The following PRKAR1B variants were observed in gnomAD, a reference collection of about 807,000 sequenced individuals.
The protein encoded by PRKAR1B is protein kinase cAMP-dependent type I regulatory subunit beta.
Under a neutral mutation model 46.5 loss-of-function variants are expected in PRKAR1B, and 22 were observed. The ratio of observed to expected loss-of-function variants is 0.47; its 90% CI spans 0.34 to 0.68. The LOEUF is 0.68. PRKAR1B is among the 30% of genes least tolerant of loss of function. PRKAR1B has a pLI of 0.01. For missense variants in PRKAR1B, 445 were observed against 535.6 expected (o/e 0.83, Z 1.67); for synonymous variants, 259 against 217.7 (o/e 1.19, Z -1.67).
rs1234520228 is a variant in PRKAR1B at position 680,508 on chromosome 7, C to A, written c.348+48G>T. 3 of 1,533,254 alleles carry A rather than the reference C, an allele frequency of 2.0e-6. No homozygotes were observed. The Admixed American group carries it at 6.2e-5, about 32-fold the overall frequency. 95.0% of individuals were successfully genotyped at this position (1,533,254 alleles called of 1,614,324 possible). On this transcript the variant is annotated intron_variant, in intron 3 of 10. Coordinates refer to ENST00000537384, the MANE Select transcript of PRKAR1B (RefSeq NM_001164760.2). ...TTCCAGGGAGCTCACAGGTGACAGC[C>A]ACGTGCCGAGGCCTGGGGACAGGAA...
rs150563862 is a variant in PRKAR1B at position 604,382 on chromosome 7, C to T, written c.549+1811G>A. Among the ~76,000 whole-genome samples the T allele has an allele frequency of 3.0e-3, 460 of 152,354 alleles. 5 individuals carry two copies. Among genetic ancestry groups the T allele is most frequent in the African/African-American group, 0.01 (423 of 41,594 alleles). On this transcript the variant is annotated intron_variant, in intron 6 of 10. Coordinates refer to ENST00000537384, the MANE Select transcript of PRKAR1B (RefSeq NM_001164760.2). Reference sequence around the variant, plus strand: ...ACTTCCTCTGAGGCCGGGCAGTACCCGGGACCTTTGGCACCTGCCTCAGTT... The same window carrying T: ...ACTTCCTCTGAGGCCGGGCAGTACCTGGGACCTTTGGCACCTGCCTCAGTT...
At chr7:583,743 C>T (rs570951169) in intron 8 of PRKAR1B, among the ~76,000 whole-genome samples, 11 of 152,036 alleles carry the variant, frequency 7.2e-5, no homozygotes, top group Admixed American at 2.0e-4. Context: ...CATGCACACA[C>T]CCATGCATGT....
intron 4 of PRKAR1B, among the ~76,000 whole-genome samples, chr7:626,059 T>C (rs1783381732): frequency 6.6e-6 from 1 of 151,658 alleles, no homozygotes; most frequent in African/African-American, 2.4e-5. Flanking sequence ...ACTACACATT[T>C]GATAACTCAG....
intron 9 of PRKAR1B, among the ~76,000 whole-genome samples, chr7:576,562 CG>C (rs993642438): frequency 6.6e-6 from 1 of 152,096 alleles, no homozygotes. Flanking sequence ...GACGTGGAGA[CG>C]GAAGTGACTC....
At chr7:551,940 A>C (rs1431583438) in intron 9 of PRKAR1B, among the ~76,000 whole-genome samples, 13 of 33,908 alleles carry the variant, frequency 3.8e-4, no homozygotes, top group Non-Finnish European at 5.5e-4. Flanking sequence ...CCAAACCCCC[A>C]CCTCCCGCCC....
At chr7:559,292 C>A (rs1342600825) in intron 9 of PRKAR1B, among the ~76,000 whole-genome samples, 1 of 152,076 alleles carries the variant, frequency 6.6e-6, no homozygotes, top group Non-Finnish European at 1.5e-5. Context: ...GCTGAGACCT[C>A]GAGGGCAGGA....
chr7:661,382 AGATCC>A (rs1562596611), intron 4 of PRKAR1B, among the ~76,000 whole-genome samples: 22 of 59,824 alleles, frequency 3.7e-4, no homozygotes, highest in Middle Eastern at 0.014. Flanking sequence ...CCACCCCAAC[AGATCC>A]AAATACCTAC....
chr7:705,929 G>A (rs1461163928), intron 2 of PRKAR1B, among the ~76,000 whole-genome samples: 1 of 152,204 alleles, frequency 6.6e-6, no homozygotes, highest in Admixed American at 6.5e-5. Flanking sequence ...GGGAGGCTGA[G>A]GCAGGAGAAT....
At position 609,070 on chromosome 7, in the gene PRKAR1B, C is replaced by A. The variant is rs550450775; in HGVS notation, c.441-1618G>T. Among the ~76,000 whole-genome samples, 41 of 149,592 alleles carry A rather than the reference C, an allele frequency of 2.7e-4. 3 individuals are homozygous for A. The highest frequency in any genetic ancestry group is 2.7e-3 in the Admixed American group (41 of 15,000). On this transcript the variant is annotated intron_variant, in intron 4 of 10. Transcript: ENST00000537384. ...GGGGAGGGGTCAGTGGGTGGCAGGG[C>A]TGTAGGGAGAGCTGGGGGCCCTCCA...
chr7:570,888 C>G (rs551675292), intron 9 of PRKAR1B, among the ~76,000 whole-genome samples: 1 of 152,208 alleles, frequency 6.6e-6, no homozygotes, highest in South Asian at 2.1e-4. Context: ...CGACACCACT[C>G]CCAGCACTCT....
At chr7:701,995 C>A (rs1368834632) in intron 2 of PRKAR1B, among the ~76,000 whole-genome samples, 1 of 152,114 alleles carries the variant, frequency 6.6e-6, no homozygotes, top group African/African-American at 2.4e-5. Context: ...TCTTAAATTA[C>A]TGAAAATACG....
chr7:557,922 A>C (rs1778545219), intron 9 of PRKAR1B, among the ~76,000 whole-genome samples: 2 of 152,204 alleles, frequency 1.3e-5, no homozygotes, highest in African/African-American at 4.8e-5. Flanking sequence ...CAAACCTGGG[A>C]GGAGACGCCG....
intron 2 of PRKAR1B, among the ~76,000 whole-genome samples, chr7:707,673 T>C (rs1373874027): frequency 1.3e-5 from 2 of 152,086 alleles, no homozygotes; most frequent in African/African-American, 4.8e-5. Flanking sequence ...ATGACTAGTG[T>C]CCCTATGAGA....
intron 7 of PRKAR1B, among the ~76,000 whole-genome samples, chr7:589,762 T>C (rs1372142402): frequency 1.3e-5 from 2 of 152,210 alleles, no homozygotes. Context: ...AGAACAGAAG[T>C]GGCATCCACA....
intron 4 of PRKAR1B, among the ~76,000 whole-genome samples, chr7:631,365 C>T (rs556241157): frequency 3.3e-5 from 5 of 152,336 alleles, no homozygotes; most frequent in Admixed American, 6.5e-5. Context: ...CTTACAGATA[C>T]GGCACCCTCA....
intron 2 of PRKAR1B, among the ~76,000 whole-genome samples, chr7:688,557 G>A (rs945859131): frequency 1.3e-5 from 2 of 152,164 alleles, no homozygotes; most frequent in Non-Finnish European, 2.9e-5. Flanking sequence ...CTGCCCCAGG[G>A]CTCTCTGCTG....
chr7:679,727 G>A (rs1778549792), intron 3 of PRKAR1B, among the ~76,000 whole-genome samples: 1 of 152,148 alleles, frequency 6.6e-6, no homozygotes, highest in African/African-American at 2.4e-5. Flanking sequence ...ACTGACTTGT[G>A]TCTCCCCAGA....
chr7:728,136 T>C (rs1781426473), upstream of PRKAR1B, among the ~76,000 whole-genome samples: 1 of 152,192 alleles, frequency 6.6e-6, no homozygotes, highest in Non-Finnish European at 1.5e-5. Context: ...AGAGCTCTGA[T>C]CTGATCCGGT....
chr7:685,256 A>G lies in PRKAR1B; in HGVS notation c.178-4530T>C, dbSNP rs1453821492. On this transcript the variant is annotated intron_variant, in intron 2 of 10. Coordinates refer to ENST00000537384, the MANE Select transcript of PRKAR1B (RefSeq NM_001164760.2). ...TACACACACATATAACACGTTTTATATATACATATATACGTATATATACGT... is the reference window on the plus strand; with the variant it reads ...TACACACACATATAACACGTTTTATGTATACATATATACGTATATATACGT... Among the ~76,000 whole-genome samples the G allele has an allele frequency of 2.7e-5, 3 of 110,544 alleles. 1 individual carries two copies. Among genetic ancestry groups the G allele is most frequent in the Non-Finnish European group, 1.8e-5 (1 of 56,272 alleles). The allele number at this position is 110,544 out of a possible 152,430, so 72.5% of individuals were successfully genotyped here.
Sources: allele counts gnomAD v4.1 joint callset (sites outside exome capture counted in the v4.1 genomes callset), GRCh38; gene constraint gnomAD v4.1.1; transcripts MANE v1.5; gene names NCBI Gene and HGNC (gene_info 2026-07-23, HGNC 2026-07-21).